CNOT4: variants seen among roughly 807,000 people sequenced by gnomAD.
The protein encoded by CNOT4 is CCR4-associated factor 4.
A neutral mutation model predicts 73.8 loss-of-function variants in CNOT4; 8 were observed. The ratio of observed to expected loss-of-function variants is 0.11; its 90% CI spans 0.06 to 0.20. CNOT4 has a LOEUF of 0.20. Ranked by LOEUF, CNOT4 falls within the 10% of genes least tolerant of loss-of-function variation. CNOT4 has a pLI of 1.00. For missense variants in CNOT4, 564 were observed against 883.4 expected, an observed-to-expected ratio of 0.64 and a Z score of 4.58; for synonymous variants, 293 against 321.1, an observed-to-expected ratio of 0.91 and a Z score of 0.94.
At chr7:135,422,070 C>T in intron 3 of CNOT4, 86 bp downstream of exon 3, 1 of 773,138 alleles carries the variant, frequency 1.3e-6, no homozygotes, top group Non-Finnish European at 2.2e-6. Context: ...AGAGGAATCA[C>T]ACAATTGAGC....
rs1462043469 is a variant in CNOT4, at chr7:135,380,861, A to G, written c.1627+13057T>C. 2.0e-5 allele frequency among the ~76,000 whole-genome samples: 3 copies of G among 152,166 alleles called. No homozygotes were observed. The East Asian group carries it at 5.8e-4, about 29-fold the overall frequency. ...TAAAAGGATTGTTAAAGACTATGTT[A>G]TATTTATTTATTCATAGCTCTGAAG... On this transcript the variant is annotated intron_variant, in intron 10 of 11. Coordinates refer to ENST00000541284, the MANE Select transcript of CNOT4 (RefSeq NM_001190850.2).
rs181627740 is a variant in CNOT4, at chr7:135,491,462, C to T, written c.-93+18427G>A. On this transcript the variant is annotated intron_variant, in intron 1 of 11. Transcript: ENST00000541284. ...TAAAAGGCAAGTTAAACAAGTATAT[C>T]AAAGACAAGGAGAAAATAACTTTGT... Among the ~76,000 whole-genome samples the T allele has an allele frequency of 5.3e-5, 8 of 152,244 alleles. No homozygotes were observed. In the East Asian group the frequency reaches 1.5e-3, roughly 29 times the overall value.
chr7:135,435,416 A>G (rs188518746), intron 2 of CNOT4, among the ~76,000 whole-genome samples: 75 of 152,296 alleles, frequency 4.9e-4, no homozygotes, highest in Non-Finnish European at 9.1e-4. Context: ...AAACCCACTC[A>G]GCACAAGCTT....
In CNOT4 at chr7:135,456,085, C is replaced by T. The variant is rs113585118; in HGVS notation, c.-92-17662G>A. On this transcript the variant is annotated intron_variant, in intron 1 of 11. Coordinates refer to ENST00000541284, the MANE Select transcript of CNOT4 (RefSeq NM_001190850.2). The stretch of plus-strand genomic sequence containing the variant: ...AGGGCTAAACAGTAAATATCTTATG[C>T]TTTACTGGCCATTCAAACATTACAA... Among the ~76,000 whole-genome samples, 4 of 152,286 alleles carry T rather than the reference C, an allele frequency of 2.6e-5. 1 individual carries two copies. Among genetic ancestry groups the T allele is most frequent in the African/African-American group, 9.6e-5 (4 of 41,550 alleles).
chr7:135,461,819 G>A (rs1021739637), intron 1 of CNOT4, among the ~76,000 whole-genome samples: 6 of 152,022 alleles, frequency 3.9e-5, no homozygotes, highest in Admixed American at 6.6e-5. Context: ...GCGACAGAGC[G>A]AGATCCCGTC....
At chr7:135,403,769 T>C (rs571943388) in intron 7 of CNOT4, among the ~76,000 whole-genome samples, 1 of 152,312 alleles carries the variant, frequency 6.6e-6, no homozygotes, top group African/African-American at 2.4e-5. Flanking sequence ...TACAAAGAAT[T>C]AGTTTTTAAT....
intron 10 of CNOT4, chr7:135,388,491 TAAC>T (rs774960857): frequency 3.6e-4 from 358 of 1,005,622 alleles, no homozygotes; most frequent in Non-Finnish European, 4.1e-4. Context: ...AGAGCCAAAA[TAAC>T]AACAATTCTA....
rs113484207 is a variant in CNOT4 at position 135,398,534 on chromosome 7, C to T, written c.822-308G>A. Among the ~76,000 whole-genome samples the T allele has an allele frequency of 3.0e-4, 46 of 151,852 alleles. 1 individual carries two copies. The highest frequency in any genetic ancestry group is 1.0e-3 in the African/African-American group (43 of 41,436). On this transcript the variant is annotated intron_variant, in intron 7 of 11. Coordinates refer to ENST00000541284, the MANE Select transcript of CNOT4 (RefSeq NM_001190850.2). ...CAGATTCTCAGATTTGGGGTGTTCGCCCAATAAGTATAATGCAAGTATCCC... is the reference window on the plus strand; with the variant it reads ...CAGATTCTCAGATTTGGGGTGTTCGTCCAATAAGTATAATGCAAGTATCCC...
At chr7:135,439,091 C>T (rs1799325616) in intron 1 of CNOT4, among the ~76,000 whole-genome samples, 1 of 152,128 alleles carries the variant, frequency 6.6e-6, no homozygotes, top group Admixed American at 6.5e-5. Context: ...ATATCACAAA[C>T]ACTTTTTGAA....
intron 1 of CNOT4, among the ~76,000 whole-genome samples, chr7:135,498,326 T>C (rs1803728364): frequency 6.6e-6 from 1 of 152,200 alleles, no homozygotes; most frequent in African/African-American, 2.4e-5. Flanking sequence ...TTATAGAATT[T>C]AATAGTATAT....
chr7:135,444,843 C>T, intron 1 of CNOT4: 1 of 1,606,968 alleles, frequency 6.2e-7, no homozygotes, highest in East Asian at 2.2e-5. Context: ...GCTTTTGGCA[C>T]TTTCAGCTTT....
chr7:135,398,597 C>A (rs1021560521), intron 7 of CNOT4, among the ~76,000 whole-genome samples: 2 of 151,984 alleles, frequency 1.3e-5, no homozygotes, highest in Non-Finnish European at 2.9e-5. Flanking sequence ...ATCCAAAACA[C>A]TTCTGTTCCC....
intron 1 of CNOT4, among the ~76,000 whole-genome samples, chr7:135,471,086 G>A (rs1036624765): frequency 3.3e-5 from 5 of 152,024 alleles, no homozygotes; most frequent in Admixed American, 6.6e-5. Flanking sequence ...TCCACTATTC[G>A]GCTGGTGGTG....
At chr7:135,407,855 T>C (rs1341572118) in intron 7 of CNOT4, among the ~76,000 whole-genome samples, 5 of 152,208 alleles carry the variant, frequency 3.3e-5, no homozygotes, top group African/African-American at 4.8e-5. Flanking sequence ...ATTCTTCCAA[T>C]ACTGATTTAC....
At position 135,509,961 on chromosome 7, in the gene CNOT4, G is replaced by T; in HGVS notation, c.-165C>A. On this transcript the variant is annotated 5_prime_UTR_variant, in exon 1 of 12. Coordinates refer to ENST00000541284, the MANE Select transcript of CNOT4 (RefSeq NM_001190850.2). Reference sequence around the variant, plus strand: ...GCGTCCTCACAAGAAACCACCGAACGAGCGTCGGGGAAAAAACTCTTCAGA... The same window carrying T: ...GCGTCCTCACAAGAAACCACCGAACTAGCGTCGGGGAAAAAACTCTTCAGA... The T allele has an allele frequency of 5.0e-6, 2 of 399,056 alleles. No homozygotes were observed. Among genetic ancestry groups the T allele is most frequent in the South Asian group, 2.6e-4 (2 of 7,764 alleles). The allele number at this position is 399,056 out of a possible 1,614,324, so 24.7% of individuals were successfully genotyped here. A position where few individuals can be genotyped will look rare whatever the true frequency, so the allele number is the denominator to read the frequency against.
chr7:135,504,362 C>A (rs1804196246), intron 1 of CNOT4, among the ~76,000 whole-genome samples: 1 of 149,884 alleles, frequency 6.7e-6, no homozygotes, highest in African/African-American at 2.5e-5. Flanking sequence ...ATGGCGCAAT[C>A]TCAGATCACT....
Position 135,394,303 on chromosome 7 carries a change from G to A in CNOT4, c.1242C>T (p.Ala414=), listed in dbSNP as rs199808305. The change falls in exon 10 of 12, where the codon GCC becomes GCT. Residue 414 remains alanine, a synonymous_variant. Transcript: ENST00000541284. The part of the protein sequence containing the change: ...GFDPFDVTRK[A]LADLIEKELS... ...GTTCCTTCTCAATCAGGTCTGCTAA[G>A]GCTTTTCGAGTGACATCGAAGGGAT... The A allele has an allele frequency of 7.3e-5, 118 of 1,614,138 alleles. No homozygotes were observed. In the African/African-American group the frequency reaches 1.3e-3, roughly 18 times the overall value.
At chr7:135,457,051 T>C (rs1800581698) in intron 1 of CNOT4, among the ~76,000 whole-genome samples, 1 of 152,032 alleles carries the variant, frequency 6.6e-6, no homozygotes, top group African/African-American at 2.4e-5. Flanking sequence ...CCACTGTATT[T>C]CAAAATACTA....
chr7:135,489,886 T>C (rs1285242189), intron 1 of CNOT4, among the ~76,000 whole-genome samples: 3 of 152,194 alleles, frequency 2.0e-5, no homozygotes, highest in African/African-American at 7.2e-5. Context: ...AGTGATATGA[T>C]TGTTGATCCC....
Sources: gnomAD v4.1 joint callset for allele counts (sites outside exome capture counted in the v4.1 genomes callset) on GRCh38, gnomAD v4.1.1 for gene constraint, MANE v1.5 for transcripts, NCBI Gene and HGNC (gene_info 2026-07-23, HGNC 2026-07-21) for gene names.